The following ARFGEF1 variants were observed in gnomAD, a reference collection of about 807,000 sequenced individuals.
The protein encoded by ARFGEF1 is ARF guanine nucleotide exchange factor 1, also known as brefeldin A-inhibited guanine nucleotide-exchange protein 1.
In ARFGEF1, 42 loss-of-function variants were observed where a neutral mutation model predicts 231.0. The ratio of observed to expected loss-of-function variants is 0.18; its 90% CI spans 0.14 to 0.24. The LOEUF is 0.24. Among genes scored for constraint, ARFGEF1 ranks in the 10% least tolerant of loss-of-function variants. The probability of loss-of-function intolerance (pLI) is 1.00; values close to 1 mark genes in which losing one functional copy is unlikely to be tolerated. For synonymous variants in ARFGEF1, 710 were observed against 732.3 expected (o/e 0.97, Z 0.49); for missense variants, 1,345 against 2,192.0 (o/e 0.61, Z 7.72).
At chr8:67,183,187 A>G (rs1002758848) in intron 5 of ARFGEF1, among the ~76,000 whole-genome samples, 1 of 152,240 alleles carries the variant, frequency 6.6e-6, no homozygotes, top group African/African-American at 2.4e-5. Flanking sequence ...GGAGAAATAG[A>G]TGAATCCACT....
chr8:67,176,706 G>A (rs145573828), intron 5 of ARFGEF1, among the ~76,000 whole-genome samples: 1 of 152,238 alleles, frequency 6.6e-6, no homozygotes, highest in African/African-American at 2.4e-5. Context: ...TTTTAGCACT[G>A]AAGGTATCTA....
At chr8:67,340,987 G>C (rs189747859) in intron 1 of ARFGEF1, among the ~76,000 whole-genome samples, 5 of 152,248 alleles carry the variant, frequency 3.3e-5, no homozygotes, top group African/African-American at 1.2e-4. Context: ...GAGTTAACAG[G>C]ACAGTGCAAT....
At chr8:67,310,027 T>C (rs967721406) in intron 1 of ARFGEF1, among the ~76,000 whole-genome samples, 10 of 152,190 alleles carry the variant, frequency 6.6e-5, no homozygotes, top group Admixed American at 6.5e-4. Context: ...CACAAACCTA[T>C]AGATTCAGCT....
At chr8:67,200,134 A>C in intron 38 of ARFGEF1, 2 of 457,518 alleles carry the variant, frequency 4.4e-6, no homozygotes, top group South Asian at 3.6e-5. Context: ...GAACTTGTCA[A>C]GGTATCCCAA....
rs796384901 is a variant in ARFGEF1 at position 67,184,943 on chromosome 8, CAAAAAAA to C, written c.561-9378_561-9372del. On this transcript the variant is annotated intron_variant, in intron 5 of 5. Transcript: ENST00000518789. ...TGAAATCATGTCTCTACTAAAAATACAAAAAAAAAAAAAAAAAAAAAAAGGTGGTGGG... is the reference window on the plus strand; with the variant it reads ...TGAAATCATGTCTCTACTAAAAATACAAAAAAAAAAAAAAAAGGTGGTGGG... Among the ~76,000 whole-genome samples, 5 of 56,092 alleles carry C rather than the reference CAAAAAAA, an allele frequency of 8.9e-5. 1 individual carries two copies. In the South Asian group the frequency reaches 3.5e-3, roughly 39 times the overall value. 36.8% of individuals were successfully genotyped at this position (56,092 alleles called of 152,430 possible).
chr8:67,282,384 T>C (rs1805570806), intron 7 of ARFGEF1, among the ~76,000 whole-genome samples: 2 of 152,032 alleles, frequency 1.3e-5, no homozygotes, highest in Admixed American at 1.3e-4. Flanking sequence ...AAATCTGAGA[T>C]GAATTAAAGA....
intron 7 of ARFGEF1, among the ~76,000 whole-genome samples, chr8:67,279,445 T>G (rs1220800219): frequency 2.0e-5 from 3 of 152,158 alleles, no homozygotes; most frequent in Non-Finnish European, 4.4e-5. Context: ...CACAACTGGA[T>G]CTTCCCCATT....
chr8:67,322,359 A>G (rs1807636956), intron 1 of ARFGEF1, among the ~76,000 whole-genome samples: 1 of 152,086 alleles, frequency 6.6e-6, no homozygotes, highest in African/African-American at 2.4e-5. Context: ...TACTTTTTCC[A>G]CCCATCTTTT....
At chr8:67,302,905 T>TAAAAAAAAAAAA (rs1563902346) in intron 1 of ARFGEF1, among the ~76,000 whole-genome samples, 32 of 100,252 alleles carry the variant, frequency 3.2e-4, no homozygotes, top group African/African-American at 1.1e-3. Context: ...ACCCCATCTC[T>TAAAAAAAAAAAA]TAAAAAAAAA....
chr8:67,318,545 T>TA (rs1342979281), intron 1 of ARFGEF1, among the ~76,000 whole-genome samples: 3 of 152,022 alleles, frequency 2.0e-5, no homozygotes, highest in African/African-American at 4.8e-5. Context: ...ATTATTTAAG[T>TA]AAAAAATCCC....
chr8:67,245,476 AG>A (rs1563861657), intron 19 of ARFGEF1, among the ~76,000 whole-genome samples: 1 of 150,590 alleles, frequency 6.6e-6, no homozygotes, highest in Non-Finnish European at 1.5e-5. Context: ...TAAAGTGTAG[AG>A]TTATTAGTTT....
downstream of ARFGEF1, among the ~76,000 whole-genome samples, chr8:67,193,030 A>G (rs1247199889): frequency 6.6e-6 from 1 of 152,220 alleles, no homozygotes; most frequent in Non-Finnish European, 1.5e-5. Flanking sequence ...GGATAAGCAT[A>G]GGAGCCATAA....
intron 10 of ARFGEF1, among the ~76,000 whole-genome samples, chr8:67,271,045 G>GAAAA (rs1563878469): frequency 1.4e-3 from 99 of 69,458 alleles, no homozygotes; most frequent in Middle Eastern, 6.8e-3. Flanking sequence ...AAAAAAAAAG[G>GAAAA]AAAAAGAAAA....
intron 36 of ARFGEF1, 94 bp downstream of exon 36, chr8:67,202,989 C>G: frequency 2.3e-6 from 3 of 1,309,850 alleles, no homozygotes; most frequent in Non-Finnish European, 3.2e-6. Context: ...CATGCACAGA[C>G]CTATAGCAGA....
chr8:67,229,347 C>T (rs1332608838), intron 23 of ARFGEF1, among the ~76,000 whole-genome samples: 3 of 152,018 alleles, frequency 2.0e-5, no homozygotes, highest in Non-Finnish European at 4.4e-5. Flanking sequence ...ATATTCAACC[C>T]TTTTTTCCTA....
chr8:67,202,208 C>T (rs1026255369), intron 36 of ARFGEF1, among the ~76,000 whole-genome samples: 3 of 152,086 alleles, frequency 2.0e-5, no homozygotes, highest in Non-Finnish European at 4.4e-5. Flanking sequence ...TATTCTGCAG[C>T]CCCTCATCCT....
chr8:67,323,020 AG>A lies in ARFGEF1; in HGVS notation c.124+20143del, dbSNP rs112228243. 2.0e-3 allele frequency among the ~76,000 whole-genome samples: 297 copies of A among 152,106 alleles called. 4 individuals carry two copies. Among genetic ancestry groups the A allele is most frequent in the African/African-American group, 6.8e-3 (282 of 41,494 alleles). On this transcript the variant is annotated intron_variant, in intron 1 of 38. Transcript: ENST00000262215. The stretch of plus-strand genomic sequence containing the variant: ...GCCTGTAATCCCAGATTACTTTGAG[AG>A]GGGGTGGATAACCTGAGGTCAAGAG...
chr8:67,200,978 G>T (rs79796545), intron 37 of ARFGEF1, among the ~76,000 whole-genome samples: 2,345 of 152,302 alleles, frequency 0.015, 65 homozygotes, highest in African/African-American at 0.054. Context: ...ATTGGCCTCA[G>T]AACATCTATT....
At chr8:67,323,311 A>G (rs1176850859) in intron 1 of ARFGEF1, among the ~76,000 whole-genome samples, 1 of 152,172 alleles carries the variant, frequency 6.6e-6, no homozygotes, top group Non-Finnish European at 1.5e-5. Context: ...GTAACTTAAT[A>G]TACATCTCTT....
Sources: allele counts gnomAD v4.1 joint callset (sites outside exome capture counted in the v4.1 genomes callset), GRCh38; gene constraint gnomAD v4.1.1; transcripts MANE v1.5; gene names NCBI Gene and HGNC (gene_info 2026-07-23, HGNC 2026-07-21).